ATXN1: variants seen among roughly 807,000 people sequenced by gnomAD.
The protein encoded by ATXN1 is ataxin 1.
In ATXN1, 8 loss-of-function variants were observed where a neutral mutation model predicts 56.4. That is an observed-to-expected ratio of 0.14 (90% CI 0.08 to 0.26). The LOEUF (loss-of-function observed/expected upper bound fraction) is 0.26. ATXN1 is among the 10% of genes least tolerant of loss of function. ATXN1 has a pLI of 1.00. For missense variants in ATXN1, 987 were observed against 1,106.5 expected, an observed-to-expected ratio of 0.89 and a Z score of 1.53; for synonymous variants, 514 against 494.6, an observed-to-expected ratio of 1.04 and a Z score of -0.52.
chr6:16,612,901 A>G (rs1360342398), intron 3 of ATXN1, among the ~76,000 whole-genome samples: 2 of 151,740 alleles, frequency 1.3e-5, no homozygotes, highest in African/African-American at 2.4e-5. Flanking sequence ...AAAAAAAAAA[A>G]AAAGAAAGGG....
In ATXN1 at chr6:16,328,216, G is replaced by C. The variant is rs150375774; in HGVS notation, c.95C>G (p.Thr32Ser). Residue 32 changes from threonine to serine, a missense_variant, in exon 7 of 8, where the codon ACC becomes AGC. Transcript: ENST00000436367. The surrounding 1 kb of genome is among the most constrained non-coding windows in gnomAD (Gnocchi z 6.2). ...TSRSSEEKAPTLPSDNHRVEG... is the reference protein window; with the variant it reads ...TSRSSEEKAPSLPSDNHRVEG... ...CACCCGGTGGTTGTCGCTGGGCAGGGTAGGGGCCTTCTCCTCGGAGGACCG... is the reference window on the plus strand; with the variant it reads ...CACCCGGTGGTTGTCGCTGGGCAGGCTAGGGGCCTTCTCCTCGGAGGACCG... The C allele has an allele frequency of 4.5e-4, 719 of 1,591,818 alleles. 2 individuals are homozygous for C. The African/African-American group carries it at 4.8e-3, about 11-fold the overall frequency.
At chr6:16,308,322 TCACACACACACACACACACACACACACA>T (rs35291830) in intron 7 of ATXN1, among the ~76,000 whole-genome samples, 1 of 132,648 alleles carries the variant, frequency 7.5e-6, no homozygotes, top group South Asian at 2.6e-4. Flanking sequence ...TGAAACTCCG[TCACACACACACACACACACACACACACA>T]CACACACACA....
In ATXN1 at chr6:16,403,241, C is replaced by T. The variant is rs74541363; in HGVS notation, c.-160-74771G>A. Among the ~76,000 whole-genome samples, 97 of 152,310 alleles carry T rather than the reference C, an allele frequency of 6.4e-4. No individual in the cohort carries two copies. In the East Asian group the frequency reaches 9.2e-3, roughly 15 times the overall value. On this transcript the variant is annotated intron_variant, in intron 6 of 7. Coordinates refer to ENST00000436367, the MANE Select transcript of ATXN1 (RefSeq NM_001128164.2). ...CTTTGGAAATGCATCATCACCTTCA[C>T]GCCAGAATCACAAACACACGGGCAA...
At chr6:16,404,776 T>C (rs1372773462) in intron 6 of ATXN1, among the ~76,000 whole-genome samples, 4 of 151,946 alleles carry the variant, frequency 2.6e-5, no homozygotes, top group African/African-American at 9.7e-5. Flanking sequence ...GTTCCCTCTT[T>C]AGTGGCCGGA....
intron 6 of ATXN1, among the ~76,000 whole-genome samples, chr6:16,433,620 G>C (rs947074985): frequency 6.6e-6 from 1 of 152,212 alleles, no homozygotes; most frequent in Admixed American, 6.5e-5. Flanking sequence ...TTGTCTTGAT[G>C]GAATTCAGCT....
chr6:16,370,158 A>G (rs1171246287), intron 6 of ATXN1, among the ~76,000 whole-genome samples: 1 of 152,220 alleles, frequency 6.6e-6, no homozygotes, highest in African/African-American at 2.4e-5. Context: ...AATGTCCAGA[A>G]GCAGGAACTG....
At chr6:16,371,425 T>C (rs986703834) in intron 6 of ATXN1, among the ~76,000 whole-genome samples, 2 of 152,184 alleles carry the variant, frequency 1.3e-5, no homozygotes, top group Non-Finnish European at 2.9e-5. Flanking sequence ...TTACAGGTTT[T>C]ATTATTTGTA....
chr6:16,484,680 T>C (rs543539626), intron 6 of ATXN1, among the ~76,000 whole-genome samples: 15 of 152,250 alleles, frequency 9.9e-5, no homozygotes, highest in African/African-American at 2.6e-4. Flanking sequence ...CTGGGAAAAT[T>C]TGAATTTAAT....
In ATXN1 at chr6:16,468,298, G is replaced by A. The variant is rs558566808; in HGVS notation, c.-161+17674C>T. Reference sequence around the variant, plus strand: ...CTTCCCAGGTTCACGCCATTCTCCCGCCTCAGCCTCCTGAGTAGCTGGGAC... The same window carrying A: ...CTTCCCAGGTTCACGCCATTCTCCCACCTCAGCCTCCTGAGTAGCTGGGAC... On this transcript the variant is annotated intron_variant, in intron 6 of 7. Coordinates refer to ENST00000436367, the MANE Select transcript of ATXN1 (RefSeq NM_001128164.2). Among the ~76,000 whole-genome samples, 5 of 152,262 alleles carry A rather than the reference G, an allele frequency of 3.3e-5. No homozygotes were observed. The South Asian group carries it at 6.2e-4, about 19-fold the overall frequency.
chr6:16,595,792 C>T (rs1380612552), intron 3 of ATXN1, among the ~76,000 whole-genome samples: 1 of 148,284 alleles, frequency 6.7e-6, no homozygotes, highest in African/African-American at 2.7e-5. Context: ...TGTTAAGTCA[C>T]CTTTTTGAGA....
At chr6:16,365,218 C>T (rs1476824458) in intron 6 of ATXN1, among the ~76,000 whole-genome samples, 1 of 152,076 alleles carries the variant, frequency 6.6e-6, no homozygotes, top group African/African-American at 2.4e-5. Context: ...ACTCTGTTGC[C>T]CAGGCTGGAG....
intron 2 of ATXN1, among the ~76,000 whole-genome samples, chr6:16,730,300 A>T (rs1759940522): frequency 6.6e-6 from 1 of 152,110 alleles, no homozygotes; most frequent in Non-Finnish European, 1.5e-5. Flanking sequence ...ATAAATTAAT[A>T]AATGGAAATG....
At chr6:16,397,510 T>C (rs1482015589) in intron 6 of ATXN1, among the ~76,000 whole-genome samples, 1 of 152,196 alleles carries the variant, frequency 6.6e-6, no homozygotes, top group African/African-American at 2.4e-5. Flanking sequence ...GTGATCTGCC[T>C]GCCTCAGCCT....
At chr6:16,417,753 AT>A (rs1758944131) in intron 6 of ATXN1, among the ~76,000 whole-genome samples, 1 of 151,966 alleles carries the variant, frequency 6.6e-6, no homozygotes, top group South Asian at 2.1e-4. Context: ...TTTTTTTTTA[AT>A]GGCCTAATCT....
chr6:16,656,005 G>A (rs1361713829), intron 3 of ATXN1, among the ~76,000 whole-genome samples: 4 of 151,140 alleles, frequency 2.6e-5, no homozygotes, highest in African/African-American at 4.9e-5. Flanking sequence ...CAGGAGAATC[G>A]CTTGAACCTG....
chr6:16,375,851 C>G (rs569768179), intron 6 of ATXN1, among the ~76,000 whole-genome samples: 1 of 152,146 alleles, frequency 6.6e-6, no homozygotes, highest in Admixed American at 6.5e-5. Context: ...CCTTCTGGCA[C>G]AAGAAAAGAG....
intron 4 of ATXN1, among the ~76,000 whole-genome samples, chr6:16,534,004 G>A (rs781514617): frequency 2.6e-5 from 4 of 151,974 alleles, no homozygotes; most frequent in African/African-American, 4.8e-5. Context: ...AAATGATATC[G>A]TTTTTTCCTA....
intron 3 of ATXN1, among the ~76,000 whole-genome samples, chr6:16,646,997 G>A (rs1763809323): frequency 6.6e-6 from 1 of 151,842 alleles, no homozygotes; most frequent in Non-Finnish European, 1.5e-5. Flanking sequence ...TTTTTTGTTT[G>A]TTTGTTTGTT....
At chr6:16,392,435 T>C (rs1300012978) in intron 6 of ATXN1, among the ~76,000 whole-genome samples, 2 of 152,216 alleles carry the variant, frequency 1.3e-5, no homozygotes, top group Non-Finnish European at 2.9e-5. Context: ...TCCTGGATGC[T>C]TGTAATGCTA....
Sources: gnomAD v4.1 joint callset for allele counts (sites outside exome capture counted in the v4.1 genomes callset) on GRCh38, gnomAD v4.1.1 for gene constraint, Gnocchi (gnomAD v3.1) non-coding constraint, MANE v1.5 for transcripts, NCBI Gene and HGNC (gene_info 2026-07-23, HGNC 2026-07-21) for gene names.